Variants in GABBR2 observed in about 807,000 individuals in gnomAD.
GABBR2 encodes gamma-aminobutyric acid type B receptor subunit 2, also known as G-protein coupled receptor 51.
A neutral mutation model predicts 105.6 loss-of-function variants in GABBR2; 23 were observed. That is an observed-to-expected ratio of 0.22 (90% confidence interval 0.16 to 0.31). The LOEUF is 0.31. Among genes scored for constraint, GABBR2 ranks in the 10% least tolerant of loss-of-function variants. The pLI is 1.00. For missense variants in GABBR2, 734 were observed against 1,245.5 expected, an observed-to-expected ratio of 0.59 and a Z score of 6.18; for synonymous variants, 478 against 499.7, an observed-to-expected ratio of 0.96 and a Z score of 0.58.
At chr9:98,608,196 G>A in intron 1 of GABBR2, 1 of 972,638 alleles carries the variant, frequency 1.0e-6, no homozygotes, top group Non-Finnish European at 1.6e-6. Flanking sequence ...ATCAGTGTTT[G>A]TTGGATCCGT....
At chr9:98,683,785 A>G (rs2095078) in intron 1 of GABBR2, among the ~76,000 whole-genome samples, 141,017 of 151,818 alleles carry the variant, frequency 0.93, 65,625 homozygotes, top group African/African-American at 0.97. Context: ...CGAGATGGGC[A>G]GATCACAAGG....
At chr9:98,418,838 G>A (rs536931417) in intron 7 of GABBR2, among the ~76,000 whole-genome samples, 6 of 152,264 alleles carry the variant, frequency 3.9e-5, no homozygotes, top group East Asian at 1.9e-4. Flanking sequence ...TAGCTACAGC[G>A]CCATGCATCA....
chr9:98,474,526 C>T (rs774238702), intron 5 of GABBR2, among the ~76,000 whole-genome samples: 3 of 152,136 alleles, frequency 2.0e-5, no homozygotes, highest in Non-Finnish European at 2.9e-5. Flanking sequence ...TGGAAATTTC[C>T]TCTGTGCATT....
rs989303594 is a variant in GABBR2 at position 98,513,273 on chromosome 9, T to G, written c.631-16759A>C. Among the ~76,000 whole-genome samples, 216 of 152,244 alleles carry G rather than the reference T, an allele frequency of 1.4e-3. 1 individual carries two copies. The highest frequency in any genetic ancestry group is 4.7e-3 in the Admixed American group (72 of 15,298). ...AATTAATTCAAGATGGATTAAAGAC[T>G]TAAATGTTAGACCTAAAACCATAAA... On this transcript the variant is annotated intron_variant, in intron 3 of 18. Coordinates refer to ENST00000259455, the MANE Select transcript of GABBR2 (RefSeq NM_005458.8).
intron 13 of GABBR2, among the ~76,000 whole-genome samples, chr9:98,318,169 A>G (rs1830752000): frequency 6.6e-6 from 1 of 152,218 alleles, no homozygotes; most frequent in Non-Finnish European, 1.5e-5. Flanking sequence ...ATGTGAGCAC[A>G]AAGTGCCTGG....
At position 98,508,439 on chromosome 9, in the gene GABBR2, C is replaced by T. The variant is rs376555324; in HGVS notation, c.631-11925G>A. ...GTGCAGGACAGTGGGTGCAGCGCAC[C>T]GTGCGCGAGCCAAAGCAGGGCAAGG... On this transcript the variant is annotated intron_variant, in intron 3 of 18. Transcript: ENST00000259455. Among the ~76,000 whole-genome samples the T allele has an allele frequency of 2.4e-4, 37 of 152,356 alleles. No homozygotes were observed. In the East Asian group the frequency reaches 3.7e-3, roughly 15 times the overall value.
chr9:98,366,665 A>G (rs1436813602), intron 12 of GABBR2, among the ~76,000 whole-genome samples: 1 of 152,220 alleles, frequency 6.6e-6, no homozygotes, highest in Non-Finnish European at 1.5e-5. Context: ...ACCATTCAGG[A>G]GGAATACAGC....
chr9:98,424,291 C>T (rs967594670), intron 7 of GABBR2, among the ~76,000 whole-genome samples: 1 of 152,070 alleles, frequency 6.6e-6, no homozygotes, highest in Non-Finnish European at 1.5e-5. Context: ...ACGCTTCATG[C>T]TAAAAACTCT....
In GABBR2 at chr9:98,630,964, G is replaced by A. The variant is rs189368422; in HGVS notation, c.322-52892C>T. On this transcript the variant is annotated intron_variant, in intron 1 of 18. Transcript: ENST00000259455. ...CATTTCAAGTACTCACTAGCCACAC[G>A]TGGCTGGTGGCTACCATTTGAGACA... 1.2e-3 allele frequency among the ~76,000 whole-genome samples: 180 copies of A among 152,246 alleles called. 2 individuals carry two copies. Among genetic ancestry groups the A allele is most frequent in the African/African-American group, 3.6e-3 (148 of 41,540 alleles).
intron 13 of GABBR2, among the ~76,000 whole-genome samples, chr9:98,319,992 T>C (rs1367550721): frequency 6.6e-6 from 1 of 151,942 alleles, no homozygotes; most frequent in African/African-American, 2.4e-5. Context: ...CTAATTAAAC[T>C]AAAGAGCTTC....
At chr9:98,534,064 G>A (rs959030951) in intron 3 of GABBR2, among the ~76,000 whole-genome samples, 2 of 152,242 alleles carry the variant, frequency 1.3e-5, no homozygotes, top group Admixed American at 6.5e-5. Flanking sequence ...AGCAACTTTA[G>A]AGGAGTTGAC....
At chr9:98,598,469 G>T (rs893733705) in intron 1 of GABBR2, among the ~76,000 whole-genome samples, 4 of 152,156 alleles carry the variant, frequency 2.6e-5, no homozygotes, top group Non-Finnish European at 5.9e-5. Flanking sequence ...CTAGGAGGCT[G>T]GCGGGTGCAG....
At chr9:98,642,790 T>C (rs908266393) in intron 1 of GABBR2, among the ~76,000 whole-genome samples, 1 of 152,200 alleles carries the variant, frequency 6.6e-6, no homozygotes, top group Non-Finnish European at 1.5e-5. Flanking sequence ...CATTATGAAA[T>C]GCACATCTTA....
chr9:98,480,588 T>A (rs1826897627), intron 5 of GABBR2, among the ~76,000 whole-genome samples: 1 of 152,192 alleles, frequency 6.6e-6, no homozygotes, highest in South Asian at 2.1e-4. Context: ...AACCTAAGAC[T>A]CTGAGCCCTA....
At chr9:98,588,776 G>A (rs1022836319) in intron 1 of GABBR2, among the ~76,000 whole-genome samples, 13 of 152,120 alleles carry the variant, frequency 8.5e-5, no homozygotes, top group South Asian at 2.1e-4. Context: ...ACCGAGTTTT[G>A]GGCAATGGAA....
At chr9:98,380,426 T>C (rs1455464837) in intron 11 of GABBR2, among the ~76,000 whole-genome samples, 8 of 152,236 alleles carry the variant, frequency 5.3e-5, no homozygotes, top group Non-Finnish European at 1.5e-5. Flanking sequence ...GCAAGTGCTT[T>C]TTCTCATCCC....
chr9:98,542,646 T>C (rs1588220394), intron 2 of GABBR2, among the ~76,000 whole-genome samples: 2 of 152,348 alleles, frequency 1.3e-5, no homozygotes, highest in South Asian at 4.1e-4. Flanking sequence ...TATGAGTCTT[T>C]AAAGATTTAT....
At chr9:98,699,208 A>G (rs1830795237) in intron 1 of GABBR2, among the ~76,000 whole-genome samples, 1 of 152,112 alleles carries the variant, frequency 6.6e-6, no homozygotes, top group African/African-American at 2.4e-5. Flanking sequence ...TCCTAAAACC[A>G]TAATGCTTCT....
intron 13 of GABBR2, among the ~76,000 whole-genome samples, chr9:98,326,584 G>C (rs547916396): frequency 6.6e-6 from 1 of 152,336 alleles, no homozygotes; most frequent in East Asian, 1.9e-4. Flanking sequence ...AAGACCTGTT[G>C]CAAGATTGGC....
Sources: gnomAD v4.1 joint callset for allele counts (sites outside exome capture counted in the v4.1 genomes callset) on GRCh38, gnomAD v4.1.1 for gene constraint, MANE v1.5 for transcripts, NCBI Gene and HGNC (gene_info 2026-07-23, HGNC 2026-07-21) for gene names.